LUZP1: variants seen among roughly 807,000 people sequenced by gnomAD.
The protein encoded by LUZP1 is filamin mechanobinding actin cross-linking protein.
LUZP1 carries 25 observed loss-of-function variants against 71.3 expected under a neutral mutation model. That is an observed-to-expected ratio of 0.35 (90% CI 0.26 to 0.49). The LOEUF is 0.49. Ranked by LOEUF, LUZP1 falls within the 20% of genes least tolerant of loss-of-function variation. LUZP1 has a pLI of 0.99. For synonymous variants in LUZP1, 481 were observed against 506.4 expected (o/e 0.95, Z 0.67); for missense variants, 1,142 against 1,300.8 (o/e 0.88, Z 1.88).
chr1:23,135,451 A>G (rs922543980), intron 2 of LUZP1, among the ~76,000 whole-genome samples: 3 of 152,248 alleles, frequency 2.0e-5, no homozygotes, highest in African/African-American at 7.2e-5. Flanking sequence ...GGTAGACTTC[A>G]GAGATTTTCC....
At chr1:23,121,977 A>T (rs1449534791) in intron 2 of LUZP1, among the ~76,000 whole-genome samples, 1 of 152,202 alleles carries the variant, frequency 6.6e-6, no homozygotes, top group East Asian at 1.9e-4. Flanking sequence ...ATACCACTGC[A>T]CTCCAGCCTG....
chr1:23,131,161 G>C (rs1252527074), intron 2 of LUZP1, among the ~76,000 whole-genome samples: 2 of 129,122 alleles, frequency 1.5e-5, no homozygotes, highest in Non-Finnish European at 3.1e-5. Context: ...GGAGGTTGTA[G>C]TGAGCTGAGA....
At chr1:23,155,843 T>G (rs1365827400) in intron 2 of LUZP1, among the ~76,000 whole-genome samples, 1 of 151,980 alleles carries the variant, frequency 6.6e-6, no homozygotes, top group Non-Finnish European at 1.5e-5. Context: ...CATTCACTGG[T>G]GAATCACTAA....
chr1:23,090,094 C>T (rs958111749), intron 4 of LUZP1, among the ~76,000 whole-genome samples: 1 of 151,168 alleles, frequency 6.6e-6, no homozygotes, highest in Non-Finnish European at 1.5e-5. Context: ...TTGGTTCTCC[C>T]AAGCAAATGC....
intron 3 of LUZP1, among the ~76,000 whole-genome samples, chr1:23,095,719 G>C (rs1643888753): frequency 6.6e-6 from 1 of 152,120 alleles, no homozygotes; most frequent in Admixed American, 6.5e-5. Flanking sequence ...GAGGACCCGG[G>C]CTCTATTAGG....
intron 2 of LUZP1, among the ~76,000 whole-genome samples, chr1:23,161,114 T>C (rs1286062981): frequency 6.6e-6 from 1 of 152,206 alleles, no homozygotes; most frequent in African/African-American, 2.4e-5. Flanking sequence ...GGCCATTAAA[T>C]ATTTATTAAA....
chr1:23,165,999 G>GTACA (rs1216938902), intron 2 of LUZP1, among the ~76,000 whole-genome samples: 3 of 142,858 alleles, frequency 2.1e-5, no homozygotes, highest in Non-Finnish European at 4.5e-5. Context: ...GAGGCATATA[G>GTACA]TACATACCAC....
intron 2 of LUZP1, among the ~76,000 whole-genome samples, chr1:23,156,784 T>C (rs1569690060): frequency 6.6e-6 from 1 of 152,354 alleles, no homozygotes; most frequent in East Asian, 1.9e-4. Context: ...GTGCCATTTA[T>C]AGGATTCTCA....
rs1180030283 is a variant in LUZP1, at chr1:23,094,218, T to G, written c.44A>C (p.His15Pro). The change falls in exon 4 of 5, where the codon CAC becomes CCC. Residue 15 changes from histidine to proline, a missense_variant. Transcript: ENST00000302291. This position sits in a 1 kb window ranked among gnomAD's most constrained non-coding sequence, Gnocchi z 4.7. ...TAGACTCTGTAGCTTAAACCGCAAG[T>G]GGCGGCTGGAGGCCGTCTCCTTGTA... 1.2e-6 allele frequency: 2 copies of G among 1,613,212 alleles called. No homozygotes were observed. Among genetic ancestry groups the G allele is most frequent in the African/African-American group, 2.7e-5 (2 of 74,924 alleles).
intron 2 of LUZP1, among the ~76,000 whole-genome samples, chr1:23,158,051 C>T (rs1644434362): frequency 1.3e-5 from 2 of 151,750 alleles, no homozygotes; most frequent in South Asian, 2.1e-4. Context: ...ACAGTTGCCC[C>T]AGAGATGACT....
chr1:23,100,337 T>C (rs768531396), intron 3 of LUZP1, among the ~76,000 whole-genome samples: 3 of 152,172 alleles, frequency 2.0e-5, no homozygotes, highest in Non-Finnish European at 4.4e-5. Context: ...AGAAAACAGA[T>C]GGCAAGAGTG....
At chr1:23,166,417 G>A (rs1644510159) in intron 2 of LUZP1, among the ~76,000 whole-genome samples, 1 of 152,088 alleles carries the variant, frequency 6.6e-6, no homozygotes, top group Non-Finnish European at 1.5e-5. Context: ...CACTTTGGGA[G>A]GCCGAGGCGG....
intron 2 of LUZP1, among the ~76,000 whole-genome samples, chr1:23,150,519 C>T (rs1380703893): frequency 6.6e-6 from 1 of 152,144 alleles, no homozygotes; most frequent in Non-Finnish European, 1.5e-5. Context: ...ACTTTGCTCA[C>T]ATTTGTGCAC....
intron 3 of LUZP1, among the ~76,000 whole-genome samples, chr1:23,106,932 T>C (rs1279273578): frequency 6.6e-6 from 1 of 152,180 alleles, no homozygotes; most frequent in Non-Finnish European, 1.5e-5. Context: ...TCACTTAGAA[T>C]ACAATGCACT....
intron 2 of LUZP1, among the ~76,000 whole-genome samples, chr1:23,165,511 T>C (rs1419989380): frequency 1.3e-5 from 2 of 150,876 alleles, no homozygotes; most frequent in East Asian, 3.9e-4. Context: ...CTCATCTCTA[T>C]AAATAAAAAA....
chr1:23,102,992 A>C (rs1643943538), intron 3 of LUZP1, among the ~76,000 whole-genome samples: 1 of 151,620 alleles, frequency 6.6e-6, no homozygotes, highest in African/African-American at 2.4e-5. Context: ...CATGCAGTGG[A>C]GCAATCACAG....
chr1:23,128,429 A>G (rs565015227), intron 2 of LUZP1, among the ~76,000 whole-genome samples: 2 of 152,366 alleles, frequency 1.3e-5, no homozygotes, highest in South Asian at 4.1e-4. Context: ...ATCATGCTCT[A>G]AAGTTCAAAT....
At chr1:23,172,694 T>C (rs1644559267) in intron 1 of LUZP1, among the ~76,000 whole-genome samples, 1 of 151,810 alleles carries the variant, frequency 6.6e-6, no homozygotes, top group Non-Finnish European at 1.5e-5. Context: ...TTTGTATTTT[T>C]AGTAGAGATG....
exon 5 of LUZP1, chr1:23,084,721 GAGA>G (rs1224099871): frequency 1.4e-5 from 1 of 72,720 alleles, no homozygotes; most frequent in Non-Finnish European, 3.6e-5. Flanking sequence ...GATGAAAACG[GAGA>G]AGGCTTTTCC....
Sources: gnomAD v4.1 joint callset for allele counts (sites outside exome capture counted in the v4.1 genomes callset) on GRCh38, gnomAD v4.1.1 for gene constraint, Gnocchi (gnomAD v3.1) non-coding constraint, MANE v1.5 for transcripts, NCBI Gene and HGNC (gene_info 2026-07-23, HGNC 2026-07-21) for gene names.